Variants in SLC22A23 observed in about 807,000 individuals in gnomAD.
SLC22A23 encodes the protein ion transporter protein.
SLC22A23 carries 26 observed loss-of-function variants against 61.0 expected under a neutral mutation model. That is an observed-to-expected ratio of 0.43 (90% CI 0.31 to 0.59). The LOEUF (loss-of-function observed/expected upper bound fraction) is 0.59. SLC22A23 is among the 20% of genes least tolerant of loss of function. The pLI is 0.11. For synonymous variants in SLC22A23, 430 were observed against 413.9 expected (o/e 1.04, Z -0.47); for missense variants, 796 against 934.7 (o/e 0.85, Z 1.94).
At chr6:3,358,746 A>G (rs1765263424) in intron 3 of SLC22A23, among the ~76,000 whole-genome samples, 2 of 152,196 alleles carry the variant, frequency 1.3e-5, no homozygotes, top group Admixed American at 1.3e-4. Flanking sequence ...CACAAATAAA[A>G]TTAAAAAATA....
intron 1 of SLC22A23, among the ~76,000 whole-genome samples, chr6:3,419,642 T>C (rs901963906): frequency 6.6e-6 from 1 of 152,132 alleles, no homozygotes; most frequent in Non-Finnish European, 1.5e-5. Context: ...AACCAGTGGT[T>C]GGGACAGTGA....
intron 3 of SLC22A23, among the ~76,000 whole-genome samples, chr6:3,377,022 T>C (rs1191617228): frequency 1.3e-5 from 2 of 151,918 alleles, no homozygotes; most frequent in Non-Finnish European, 2.9e-5. Flanking sequence ...AGTAGCAATA[T>C]TGTCCTTACT....
At chr6:3,378,867 C>T (rs1032854544) in intron 3 of SLC22A23, among the ~76,000 whole-genome samples, 3 of 152,040 alleles carry the variant, frequency 2.0e-5, no homozygotes, top group Non-Finnish European at 4.4e-5. Context: ...CCATGTTGGC[C>T]AGGCTGGTCT....
intron 3 of SLC22A23, among the ~76,000 whole-genome samples, chr6:3,402,829 A>G (rs6936313): frequency 0.83 from 127,037 of 152,182 alleles, 53,720 homozygotes; most frequent in African/African-American, 0.96. Context: ...CAACAATGGC[A>G]AGGGTTTAGT....
chr6:3,412,882 A>C (rs985939267), intron 2 of SLC22A23, among the ~76,000 whole-genome samples: 1 of 152,162 alleles, frequency 6.6e-6, no homozygotes, highest in African/African-American at 2.4e-5. Context: ...TGGCCTTTAG[A>C]AGCTAGAAAA....
rs113000632 is a variant in SLC22A23, at chr6:3,308,875, A to G, written c.1083-10657T>C. On this transcript the variant is annotated intron_variant, in intron 4 of 9. Coordinates refer to ENST00000406686, the MANE Select transcript of SLC22A23 (RefSeq NM_015482.2). This position sits in a 1 kb window ranked among gnomAD's most constrained non-coding sequence, Gnocchi z 5.1. The stretch of plus-strand genomic sequence containing the variant: ...GGAGAATCACTTGAACCTGGGAGGC[A>G]GAGGTTGCAGTGAGCCGAGATTGTG... Among the ~76,000 whole-genome samples, 2,230 of 151,040 alleles carry G rather than the reference A, an allele frequency of 0.015. 50 individuals carry two copies. The highest frequency in any genetic ancestry group is 0.052 in the African/African-American group (2,117 of 41,062).
intron 3 of SLC22A23, among the ~76,000 whole-genome samples, chr6:3,378,657 C>CTTTTTTTTTTTTTTT (rs574704294): frequency 3.4e-5 from 4 of 119,052 alleles, no homozygotes; most frequent in East Asian, 2.5e-4. Context: ...TTTCTTTTTT[C>CTTTTTTTTTTTTTTT]TTTTTTTTTT....
chr6:3,302,439 C>A (rs1200822913), intron 4 of SLC22A23, among the ~76,000 whole-genome samples: 1 of 152,046 alleles, frequency 6.6e-6, no homozygotes, highest in Non-Finnish European at 1.5e-5. Context: ...TGTATGATTG[C>A]TTTGATCTTT....
At chr6:3,446,191 G>A (rs1018067541) in intron 1 of SLC22A23, among the ~76,000 whole-genome samples, 5 of 152,172 alleles carry the variant, frequency 3.3e-5, no homozygotes, top group African/African-American at 9.7e-5. Flanking sequence ...CAAAGGGTGG[G>A]AGCCCCTGCC....
rs150717600 is a variant in SLC22A23, at chr6:3,437,817, G to A, written c.654+18089C>T. Among the ~76,000 whole-genome samples, 381 of 143,132 alleles carry A rather than the reference G, an allele frequency of 2.7e-3. 6 individuals are homozygous for A. The highest frequency in any genetic ancestry group is 0.021 in the Admixed American group (304 of 14,174). The allele number at this position is 143,132 out of a possible 152,430, so 93.9% of individuals were successfully genotyped here. On this transcript the variant is annotated intron_variant, in intron 1 of 9. Transcript: ENST00000406686. ...GGCTGGAATGCAGTGGCACCATCTT[G>A]GCTCACTGCAACCTCTGCCTCCCAG...
At chr6:3,379,907 G>A (rs1296388725) in intron 3 of SLC22A23, among the ~76,000 whole-genome samples, 2 of 152,182 alleles carry the variant, frequency 1.3e-5, no homozygotes, top group African/African-American at 4.8e-5. Context: ...CAGTATCAGG[G>A]ATCTTAGAAC....
rs1311621033 is a variant in SLC22A23 at position 3,333,774 on chromosome 6, C to G, written c.914-9772G>C. On this transcript the variant is annotated intron_variant, in intron 3 of 9. Coordinates refer to ENST00000406686, the MANE Select transcript of SLC22A23 (RefSeq NM_015482.2). The surrounding 1 kb of genome is among the most constrained non-coding windows in gnomAD (Gnocchi z 4.1). Reference sequence around the variant, plus strand: ...GCAGCAGCCTCACCTGGGGCCACCACCTCAGAAACACAGAGTCGGGGCCCT... The same window carrying G: ...GCAGCAGCCTCACCTGGGGCCACCAGCTCAGAAACACAGAGTCGGGGCCCT... 6.6e-6 allele frequency among the ~76,000 whole-genome samples: 1 copy of G among 152,198 alleles called. No individual in the cohort carries two copies. Among genetic ancestry groups the G allele is most frequent in the Non-Finnish European group, 1.5e-5 (1 of 68,040 alleles).
chr6:3,277,189 G>A (rs1758989957), intron 9 of SLC22A23, among the ~76,000 whole-genome samples: 1 of 152,076 alleles, frequency 6.6e-6, no homozygotes, highest in South Asian at 2.1e-4. Flanking sequence ...GAACTGGGAG[G>A]CGAACAGGAT....
intron 3 of SLC22A23, among the ~76,000 whole-genome samples, chr6:3,350,483 C>T (rs1357738950): frequency 6.6e-6 from 1 of 152,172 alleles, no homozygotes; most frequent in Non-Finnish European, 1.5e-5. Context: ...TTGTGGAATG[C>T]GGTCACACTC....
intron 1 of SLC22A23, chr6:3,432,335 A>T: frequency 1.0e-6 from 1 of 985,478 alleles, no homozygotes; most frequent in Non-Finnish European, 1.2e-6. Context: ...GACTTTGAAG[A>T]AGCCTAAGTT....
intron 3 of SLC22A23, among the ~76,000 whole-genome samples, chr6:3,407,454 AC>A (rs1400244540): frequency 6.6e-6 from 1 of 152,008 alleles, no homozygotes; most frequent in Non-Finnish European, 1.5e-5. Flanking sequence ...ACCATATCCT[AC>A]CCCAATCCCA....
intron 3 of SLC22A23, among the ~76,000 whole-genome samples, chr6:3,409,353 A>G (rs777287747): frequency 6.6e-6 from 1 of 152,266 alleles, no homozygotes; most frequent in African/African-American, 2.4e-5. Flanking sequence ...GCTATCTAAA[A>G]GAAGTCTTTA....
chr6:3,331,655 T>C (rs1763588160), intron 3 of SLC22A23, among the ~76,000 whole-genome samples: 1 of 152,254 alleles, frequency 6.6e-6, no homozygotes, highest in Non-Finnish European at 1.5e-5. Context: ...TTATAATGAC[T>C]CAAATGAGGA....
At chr6:3,279,508 T>TTAAAAAAAAAAAA (rs1759226159) in intron 9 of SLC22A23, among the ~76,000 whole-genome samples, 1 of 3,096 alleles carries the variant, frequency 3.2e-4, no homozygotes, top group Non-Finnish European at 2.6e-3. Context: ...AGGCTCCGTC[T>TTAAAAAAAAAAAA]CAAAAAAAAA....
Sources: gnomAD v4.1 joint callset for allele counts (sites outside exome capture counted in the v4.1 genomes callset) on GRCh38, gnomAD v4.1.1 for gene constraint, Gnocchi (gnomAD v3.1) non-coding constraint, MANE v1.5 for transcripts, NCBI Gene and HGNC (gene_info 2026-07-23, HGNC 2026-07-21) for gene names.